CLCN5: variants seen among roughly 807,000 people sequenced by gnomAD.
CLCN5 encodes H(+)/Cl(-) exchange transporter 5.
A neutral mutation model predicts 54.0 loss-of-function variants in CLCN5; 17 were observed. The observed-to-expected ratio is 0.31, with a 90% CI of 0.22 to 0.47. CLCN5 has a LOEUF of 0.47. Ranked by LOEUF, CLCN5 falls within the 20% of genes least tolerant of loss-of-function variation. CLCN5 has a pLI of 1.00. For missense variants in CLCN5, 448 were observed against 646.7 expected (o/e 0.69, Z 3.33); for synonymous variants, 222 against 233.0 (o/e 0.95, Z 0.43).
intron 4 of CLCN5, among the ~76,000 whole-genome samples, chrX:50,048,919 A>T (rs1932483491): frequency 9.0e-6 from 1 of 111,362 alleles, no homozygotes. Flanking sequence ...ACACACATAT[A>T]CATATATCTA....
intron 3 of CLCN5, among the ~76,000 whole-genome samples, chrX:50,001,682 T>G (rs12861922): frequency 5.5e-4 from 55 of 99,799 alleles, no homozygotes; most frequent in Admixed American, 3.0e-3. Context: ...GTTCTCATTG[T>G]TCAATTCCCA....
At chrX:50,056,638 G>A (rs1305661202) in intron 4 of CLCN5, among the ~76,000 whole-genome samples, 1 of 111,891 alleles carries the variant, frequency 8.9e-6, no homozygotes, top group Non-Finnish European at 1.9e-5. Flanking sequence ...CACTGGTCAT[G>A]AAAGTGAGTT....
chrX:50,074,031 G>A (rs938575518), intron 6 of CLCN5, among the ~76,000 whole-genome samples: 1 of 111,629 alleles, frequency 9.0e-6, no homozygotes, highest in Non-Finnish European at 1.9e-5. Flanking sequence ...GCTAAGTATT[G>A]CAGAGAGGCT....
At chrX:49,987,584 A>G (rs1557178427) in intron 3 of CLCN5, among the ~76,000 whole-genome samples, 1 of 112,222 alleles carries the variant, frequency 8.9e-6, no homozygotes, top group Non-Finnish European at 1.9e-5. Flanking sequence ...TTCCTATAAG[A>G]TACCCTTGGA....
intron 3 of CLCN5, among the ~76,000 whole-genome samples, chrX:49,972,490 T>C (rs1928273189): frequency 9.0e-6 from 1 of 111,288 alleles, no homozygotes; most frequent in African/African-American, 3.3e-5. Context: ...GGTCCAGAGG[T>C]TGACAAAATG....
At chrX:49,943,484 A>G (rs1244528262) in intron 3 of CLCN5, among the ~76,000 whole-genome samples, 2 of 100,543 alleles carry the variant, frequency 2.0e-5, no homozygotes, top group Non-Finnish European at 4.0e-5. Context: ...GCCCATGCCT[A>G]TGTCCTGAAT....
chrX:50,051,941 C>A (rs1343955933), intron 4 of CLCN5, among the ~76,000 whole-genome samples: 1 of 111,098 alleles, frequency 9.0e-6, no homozygotes, highest in Non-Finnish European at 1.9e-5. Context: ...TTTTAGGATT[C>A]TTTGGGATTT....
intron 3 of CLCN5, among the ~76,000 whole-genome samples, chrX:49,964,824 C>T (rs1212589610): frequency 1.8e-5 from 2 of 110,746 alleles, no homozygotes; most frequent in African/African-American, 3.3e-5. Context: ...CTCATTCTTT[C>T]GGCCATCACA....
chrX:49,939,351 C>T (rs1352003996), intron 3 of CLCN5, among the ~76,000 whole-genome samples: 7 of 110,198 alleles, frequency 6.4e-5, no homozygotes, highest in East Asian at 2.8e-4. Flanking sequence ...ATGTTTATTG[C>T]GGCACTATTC....
chrX:49,980,391 A>G (rs1928677102), intron 3 of CLCN5, among the ~76,000 whole-genome samples: 1 of 112,080 alleles, frequency 8.9e-6, no homozygotes, highest in African/African-American at 3.2e-5. Context: ...TGTGATTGGA[A>G]ACATTAATAT....
At chrX:49,974,973 A>C (rs782712806) in intron 3 of CLCN5, among the ~76,000 whole-genome samples, 13 of 112,053 alleles carry the variant, frequency 1.2e-4, no homozygotes, top group Non-Finnish European at 2.3e-4. Flanking sequence ...TCTTTATACA[A>C]GGCACAGTAC....
chrX:50,033,758 A>G lies in CLCN5; in HGVS notation c.17-8558A>G, dbSNP rs188503657. Among the ~76,000 whole-genome samples the G allele has an allele frequency of 2.8e-3, 315 of 111,995 alleles. 2 individuals are homozygous for G. The highest frequency in any genetic ancestry group is 9.9e-3 in the African/African-American group (305 of 30,837). On this transcript the variant is annotated intron_variant, in intron 3 of 14. Transcript: ENST00000376091. The stretch of plus-strand genomic sequence containing the variant: ...AAAGCTGGAGGCATCACGCTACCTG[A>G]CTTCAAACATTTTAATTTCAAATAC...
chrX:50,032,344 A>G (rs1167112304), intron 3 of CLCN5, among the ~76,000 whole-genome samples: 1 of 111,443 alleles, frequency 9.0e-6, no homozygotes, highest in African/African-American at 3.3e-5. Context: ...CAACAGTGAA[A>G]AAGTGTTCCT....
intron 3 of CLCN5, among the ~76,000 whole-genome samples, chrX:49,935,033 G>A (rs1925866706): frequency 9.0e-6 from 1 of 111,686 alleles, no homozygotes. Flanking sequence ...GAGAGTTCCT[G>A]CCATCCAAAT....
At chrX:49,992,275 A>C (rs1602021034) in intron 3 of CLCN5, among the ~76,000 whole-genome samples, 1 of 96,463 alleles carries the variant, frequency 1.0e-5, no homozygotes. Flanking sequence ...TCAGCTCCCC[A>C]TTTTCCCACC....
At chrX:49,927,606 G>A (rs1439599812) in intron 3 of CLCN5, among the ~76,000 whole-genome samples, 1 of 111,990 alleles carries the variant, frequency 8.9e-6, no homozygotes, top group East Asian at 2.8e-4. Context: ...CTGTGTGGAA[G>A]TTTTCTCCTT....
chrX:50,023,223 C>A, intron 3 of CLCN5, among the ~76,000 whole-genome samples: 1 of 55,279 alleles, frequency 1.8e-5, no homozygotes, highest in Non-Finnish European at 2.8e-5. Flanking sequence ...ATCCCTTTAC[C>A]ATTATGTAAT....
chrX:50,019,456 C>CTTTTTTTTTTTA (rs1424021181), intron 3 of CLCN5, among the ~76,000 whole-genome samples: 1 of 64,423 alleles, frequency 1.6e-5, no homozygotes, highest in Non-Finnish European at 2.9e-5. Flanking sequence ...TTCATGCTTA[C>CTTTTTTTTTTTA]TTTTTTTTTT....
intron 3 of CLCN5, among the ~76,000 whole-genome samples, chrX:49,951,932 A>G (rs905528565): frequency 2.2e-4 from 25 of 112,318 alleles, no homozygotes; most frequent in African/African-American, 7.4e-4. Context: ...TTCCAATCAT[A>G]GAATACACTG....
Sources: allele counts gnomAD v4.1 joint callset (sites outside exome capture counted in the v4.1 genomes callset), GRCh38; gene constraint gnomAD v4.1.1; transcripts MANE v1.5; gene names NCBI Gene and HGNC (gene_info 2026-07-23, HGNC 2026-07-21).